ADK: variants seen among roughly 807,000 people sequenced by gnomAD.
ADK encodes the protein adenosine kinase.
In ADK, 24 loss-of-function variants were observed where a neutral mutation model predicts 44.7. That is an observed-to-expected ratio of 0.54 (90% CI 0.39 to 0.76). ADK has a LOEUF of 0.76. Ranked by LOEUF, ADK falls within the 30% of genes least tolerant of loss-of-function variation. The pLI, the probability that ADK is intolerant of heterozygous loss-of-function variation, is 0.00. For synonymous variants in ADK, 128 were observed against 142.6 expected, an observed-to-expected ratio of 0.90 and a Z score of 0.73; for missense variants, 321 against 425.1, an observed-to-expected ratio of 0.76 and a Z score of 2.15.
chr10:74,449,019 T>G (rs1437075238), intron 6 of ADK, among the ~76,000 whole-genome samples: 2 of 152,228 alleles, frequency 1.3e-5, no homozygotes, highest in Admixed American at 1.3e-4. Flanking sequence ...GAAGATAGAG[T>G]GAGAATAAGA....
At chr10:74,381,768 C>A (rs1267041728) in intron 4 of ADK, among the ~76,000 whole-genome samples, 1 of 152,126 alleles carries the variant, frequency 6.6e-6, no homozygotes, top group African/African-American at 2.4e-5. Context: ...ATCACATACA[C>A]CTTGAAGGAA....
intron 6 of ADK, among the ~76,000 whole-genome samples, chr10:74,449,820 C>T (rs1208999791): frequency 6.6e-6 from 1 of 151,946 alleles, no homozygotes; most frequent in Non-Finnish European, 1.5e-5. Context: ...AAGCTGGTAT[C>T]GTGTGTTATT....
chr10:74,356,652 C>T (rs777519608), intron 4 of ADK, among the ~76,000 whole-genome samples: 1 of 152,150 alleles, frequency 6.6e-6, no homozygotes, highest in Non-Finnish European at 1.5e-5. Context: ...ATTTCAACAT[C>T]CAATGTCTCA....
chr10:74,662,015 C>A (rs1854753652), intron 9 of ADK, among the ~76,000 whole-genome samples: 1 of 152,060 alleles, frequency 6.6e-6, no homozygotes, highest in African/African-American at 2.4e-5. Flanking sequence ...TACTTATTAC[C>A]TGATTGAAGA....
At chr10:74,330,291 A>G (rs1841172996) in intron 4 of ADK, among the ~76,000 whole-genome samples, 1 of 152,184 alleles carries the variant, frequency 6.6e-6, no homozygotes, top group Non-Finnish European at 1.5e-5. Flanking sequence ...GCATACCTGT[A>G]GTCCCTGCTA....
At chr10:74,296,605 CTTTTTTT>C (rs1442580166) in intron 3 of ADK, among the ~76,000 whole-genome samples, 1 of 140,848 alleles carries the variant, frequency 7.1e-6, no homozygotes, top group Non-Finnish European at 1.6e-5. Context: ...TTTAAGTATT[CTTTTTTT>C]TTTTTTTCTT....
intron 1 of ADK, among the ~76,000 whole-genome samples, chr10:74,196,519 A>G (rs943078839): frequency 2.0e-4 from 31 of 152,174 alleles, no homozygotes; most frequent in Admixed American, 1.2e-3. Flanking sequence ...CAGCCTGGTG[A>G]CAGAGCGAGA....
intron 4 of ADK, among the ~76,000 whole-genome samples, chr10:74,319,121 TC>T (rs1390541262): frequency 6.6e-6 from 1 of 152,242 alleles, no homozygotes; most frequent in African/African-American, 2.4e-5. Context: ...ATGCCTTTAT[TC>T]TTTTTAATTA....
chr10:74,562,340 AAG>A (rs1321582835), intron 7 of ADK, among the ~76,000 whole-genome samples: 1 of 152,168 alleles, frequency 6.6e-6, no homozygotes, highest in African/African-American at 2.4e-5. Context: ...TGGGGAAGGA[AAG>A]AGATGATGAG....
intron 4 of ADK, among the ~76,000 whole-genome samples, chr10:74,380,845 A>G (rs1391722952): frequency 6.6e-6 from 1 of 152,184 alleles, no homozygotes; most frequent in African/African-American, 2.4e-5. Context: ...TAGTCATACT[A>G]CCTGTCAGGG....
chr10:74,547,382 T>C (rs910545219), intron 7 of ADK, among the ~76,000 whole-genome samples: 1 of 150,742 alleles, frequency 6.6e-6, no homozygotes, highest in African/African-American at 2.4e-5. Context: ...GTTCTGTGTA[T>C]GTAAATTCTT....
chr10:74,566,486 G>A (rs1850673844), intron 7 of ADK, among the ~76,000 whole-genome samples: 3 of 152,064 alleles, frequency 2.0e-5, no homozygotes, highest in African/African-American at 7.2e-5. Context: ...ACATGCGTGA[G>A]CCACCATACC....
chr10:74,681,849 CAAAAAAA>C (rs34381749), intron 10 of ADK, among the ~76,000 whole-genome samples: 80 of 93,150 alleles, frequency 8.6e-4, no homozygotes, highest in Non-Finnish European at 1.5e-3. Context: ...GACTCCATCT[CAAAAAAA>C]AAAAAAAAAA....
chr10:74,652,333 C>T (rs962334964), intron 9 of ADK, among the ~76,000 whole-genome samples: 1 of 151,760 alleles, frequency 6.6e-6, no homozygotes, highest in Non-Finnish European at 1.5e-5. Flanking sequence ...TATGAGCCAG[C>T]ACACCTGGCC....
At chr10:74,185,190 G>T (rs1460098519) in intron 1 of ADK, among the ~76,000 whole-genome samples, 1 of 152,158 alleles carries the variant, frequency 6.6e-6, no homozygotes, top group African/African-American at 2.4e-5. Context: ...AATTTAAAAT[G>T]AATAATTTTA....
chr10:74,403,554 G>C (rs1018388958), intron 6 of ADK, among the ~76,000 whole-genome samples: 2 of 152,170 alleles, frequency 1.3e-5, no homozygotes, highest in Non-Finnish European at 2.9e-5. Flanking sequence ...AGCCATGCGT[G>C]GGATATAATC....
intron 1 of ADK, among the ~76,000 whole-genome samples, chr10:74,174,980 C>T (rs1390133085): frequency 2.6e-5 from 4 of 152,194 alleles, no homozygotes; most frequent in African/African-American, 9.7e-5. Flanking sequence ...ATTTTGTGAA[C>T]TTAATTATTC....
chr10:74,678,507 G>A (rs1425564661), intron 10 of ADK, among the ~76,000 whole-genome samples: 2 of 152,190 alleles, frequency 1.3e-5, no homozygotes, highest in African/African-American at 4.8e-5. Context: ...CTAATATCCT[G>A]AATGGCCTTC....
chr10:74,694,276 T>TGTG, intron 10 of ADK, among the ~76,000 whole-genome samples: 1 of 148,360 alleles, frequency 6.7e-6, no homozygotes, highest in Non-Finnish European at 1.5e-5. Context: ...ATCAGGCCAG[T>TGTG]GTGGTAGCTC....
Sources: allele counts gnomAD v4.1 joint callset (sites outside exome capture counted in the v4.1 genomes callset), GRCh38; gene constraint gnomAD v4.1.1; transcripts MANE v1.5; gene names NCBI Gene and HGNC (gene_info 2026-07-23, HGNC 2026-07-21).